VLDLR: variants seen among roughly 807,000 people sequenced by gnomAD.
VLDLR encodes very low density lipoprotein receptor.
VLDLR carries 81 observed loss-of-function variants against 112.7 expected under a neutral mutation model. That is an observed-to-expected ratio of 0.72 (90% confidence interval 0.60 to 0.86). The LOEUF (loss-of-function observed/expected upper bound fraction) is 0.86. Ranked by LOEUF, VLDLR falls within the 40% of genes least tolerant of loss-of-function variation. The pLI, the probability that VLDLR is intolerant of heterozygous loss-of-function variation, is 0.00. For synonymous variants in VLDLR, 436 were observed against 384.8 expected (o/e 1.13, Z -1.56); for missense variants, 1,237 against 1,099.4 (o/e 1.13, Z -1.77).
Position 2,643,437 on chromosome 9 carries a change from C to A in VLDLR, c.726C>A (p.Ser242Arg), listed in dbSNP as rs200656858. Residue 242 changes from serine (S) to arginine (R), a missense_variant, in exon 5 of 19, where the codon AGC (serine) becomes AGA (arginine). Transcript: ENST00000382100. ...QPVIHTKCPA[S>R]EIQCGSGECI... ...TCATACACACCAAGTGTCCAGCCAG[C>A]GAAATCCAGTGCGGCTCTGGCGAGT... 1 of 1,614,170 alleles carries A rather than the reference C, an allele frequency of 6.2e-7. No homozygotes were observed. Among genetic ancestry groups the A allele is most frequent in the South Asian group, 1.1e-5 (1 of 91,078 alleles).
Position 2,648,724 on chromosome 9 carries a change from T to A in VLDLR, c.2018T>A (p.Phe673Tyr), listed in dbSNP as rs149002489. ...ENEAVYGANK[F>Y]TGSELATLVN... Reference sequence around the variant, plus strand: ...GAAGCAGTCTATGGTGCCAATAAATTCACTGGATCAGAGCTAGCCACTCTA... The same window carrying A: ...GAAGCAGTCTATGGTGCCAATAAATACACTGGATCAGAGCTAGCCACTCTA... The change falls in exon 14 of 19, where the codon TTC (phenylalanine) becomes TAC (tyrosine). Residue 673 changes from phenylalanine (F) to tyrosine (Y), a missense_variant. Physicochemically the swap from Phe to Tyr is conservative, Grantham distance 22. Coordinates refer to ENST00000382100, the MANE Select transcript of VLDLR (RefSeq NM_003383.5). The A allele has an allele frequency of 6.2e-7, 1 of 1,614,162 alleles. No homozygotes were observed. The highest frequency in any genetic ancestry group is 1.7e-5 in the Admixed American group (1 of 60,024).
chr9:2,651,820 T>C, intron 16 of VLDLR, 54 bp from the exon 17 acceptor site: 1 of 1,607,392 alleles, frequency 6.2e-7, no homozygotes, highest in Non-Finnish European at 8.5e-7. Flanking sequence ...GATGGGTAAA[T>C]TTCTAAGTCT....
At chr9:2,640,096 T>C (rs1817762960) in intron 3 of VLDLR, 115 bp downstream of exon 3, 1 of 1,563,746 alleles carries the variant, frequency 6.4e-7, no homozygotes. Context: ...CCTTAAAGTT[T>C]AGGTCAATTG....
chr9:2,633,982 A>G (rs1362605034), intron 1 of VLDLR, among the ~76,000 whole-genome samples: 1 of 152,124 alleles, frequency 6.6e-6, no homozygotes, highest in Non-Finnish European at 1.5e-5. Context: ...ATTACAACCA[A>G]TAAAACGTGA....
chr9:2,649,130 C>T (rs1818198121), intron 14 of VLDLR, among the ~76,000 whole-genome samples: 1 of 152,180 alleles, frequency 6.6e-6, no homozygotes, highest in African/African-American at 2.4e-5. Flanking sequence ...TTTTGTGCTA[C>T]AAGCTTTCTC....
chr9:2,641,311 G>A, intron 3 of VLDLR, 66 bp from the exon 4 acceptor site: 1 of 1,610,922 alleles, frequency 6.2e-7, no homozygotes, highest in Non-Finnish European at 8.5e-7. Flanking sequence ...CTTCCAGGCA[G>A]CACAGGAGCA....
At chr9:2,653,070 C>G in intron 18 of VLDLR, 121 bp downstream of exon 18, 1 of 1,296,370 alleles carries the variant, frequency 7.7e-7, no homozygotes, top group Non-Finnish European at 1.1e-6. Context: ...CATCTGCTAC[C>G]TGGCTATTAG....
chr9:2,623,965 T>C (rs1174678139), intron 1 of VLDLR, among the ~76,000 whole-genome samples: 1 of 152,216 alleles, frequency 6.6e-6, no homozygotes, highest in Admixed American at 6.5e-5. Flanking sequence ...ATTATGCCTT[T>C]TGTAACATTT....
intron 2 of VLDLR, 74 bp downstream of exon 2, chr9:2,635,646 T>A (rs1817571415): frequency 6.2e-7 from 1 of 1,604,484 alleles, no homozygotes; most frequent in African/African-American, 1.3e-5. Flanking sequence ...TGTATTGAGA[T>A]TCTGAAAATA....
In VLDLR at chr9:2,653,830, C is replaced by A. The variant is rs375434847; in HGVS notation, c.2587-3C>A. 1.2e-6 allele frequency: 2 copies of A among 1,613,764 alleles called. No homozygotes were observed. The highest frequency in any genetic ancestry group is 1.3e-5 in the African/African-American group (1 of 74,908). On this transcript the variant is annotated splice_region_variant and splice_polypyrimidine_tract_variant and intron_variant, in intron 18 of 18. Transcript: ENST00000382100. ...CTCATTCTATACTTCTTCTTTTCCA[C>A]AGATATCAGTTGTAAGCACAGATGA...
At position 2,646,484 on chromosome 9, in the gene VLDLR, C is replaced by T. The variant is rs1000549825; in HGVS notation, c.1635C>T (p.Thr545=). The T allele has an allele frequency of 1.2e-6, 2 of 1,614,108 alleles. No homozygotes were observed. Among genetic ancestry groups the T allele is most frequent in the African/African-American group, 2.7e-5 (2 of 75,020 alleles). Residue 545 remains threonine (T), a synonymous_variant, in exon 11 of 19, where the codon ACC becomes ACT. Coordinates refer to ENST00000382100, the MANE Select transcript of VLDLR (RefSeq NM_003383.5). ...KTISVATLDG[T]KRKFLFNSDL... is the part of the protein sequence containing the mutation. ...TTTCAGTAGCTACCCTAGATGGAAC[C>T]AAGAGGAAGTTCCTGTTTAACTCTG...
chr9:2,628,984 A>G (rs1206077238), intron 1 of VLDLR, among the ~76,000 whole-genome samples: 2 of 152,230 alleles, frequency 1.3e-5, no homozygotes, highest in Non-Finnish European at 2.9e-5. Context: ...CACTTACATT[A>G]TGGGTAGAAG....
At chr9:2,625,763 C>T (rs1162365909) in intron 1 of VLDLR, among the ~76,000 whole-genome samples, 1 of 152,106 alleles carries the variant, frequency 6.6e-6, no homozygotes, top group Non-Finnish European at 1.5e-5. Flanking sequence ...GCAAACAGTC[C>T]AAAAATACTG....
Position 2,643,842 on chromosome 9 carries a change from C to A in VLDLR, c.949C>A (p.Gln317Lys), listed in dbSNP as rs1286109908. The change falls in exon 7 of 19, where the codon CAG (glutamine) becomes AAG (lysine). Residue 317 changes from glutamine (Q) to lysine (K), a missense_variant. Gln to Lys is a moderately conservative substitution (Grantham distance 53, BLOSUM62 1). Coordinates refer to ENST00000382100, the MANE Select transcript of VLDLR (RefSeq NM_003383.5). ...SDEVNCKNVNQCLGPGKFKCR... is the reference protein window; with the variant it reads ...SDEVNCKNVNKCLGPGKFKCR... ...TTCTTTGTTTCTCTTTGTAGTCAAT[C>A]AGTGCTTGGGCCCTGGAAAATTCAA... 7 of 1,614,078 alleles carry A rather than the reference C, an allele frequency of 4.3e-6. No homozygotes were observed. The African/African-American group carries it at 8.0e-5, about 18-fold the overall frequency.
intron 7 of VLDLR, 139 bp downstream of exon 7, chr9:2,644,098 T>C: frequency 7.7e-7 from 1 of 1,304,008 alleles, no homozygotes. Context: ...AGAGTGAAAC[T>C]TTATGACTTA....
intron 1 of VLDLR, among the ~76,000 whole-genome samples, chr9:2,632,321 C>A (rs191760085): frequency 9.3e-4 from 142 of 152,306 alleles, no homozygotes; most frequent in African/African-American, 3.3e-3. Flanking sequence ...TCTTGTGAAA[C>A]CTCATGGCTT....
rs1007861464 is a variant in VLDLR, at chr9:2,622,174, C to T, written c.-16C>T. ...GCGGCGGCGGCGGCGGCGGCGGCAC[C>T]ATCCAGGCGGGCACCATGGGCACGT... On this transcript the variant is annotated 5_prime_UTR_variant, in exon 1 of 19. Transcript: ENST00000382100. 4.7e-6 allele frequency: 7 copies of T among 1,486,068 alleles called. No individual in the cohort carries two copies. In the African/African-American group the frequency reaches 8.7e-5, roughly 18 times the overall value. The allele number at this position is 1,486,068 out of a possible 1,614,324, so 92.1% of individuals were successfully genotyped here. A position where few individuals can be genotyped will look rare whatever the true frequency, so the allele number is the denominator to read the frequency against.
In VLDLR at chr9:2,621,943, G is replaced by A. The variant is rs2130746256; in HGVS notation, c.-247G>A. 1.5e-6 allele frequency: 1 copy of A among 656,264 alleles called. No homozygotes were observed. The highest frequency in any genetic ancestry group is 2.8e-6 in the Non-Finnish European group (1 of 359,946). The allele number at this position is 656,264 out of a possible 1,614,324, so 40.7% of individuals were successfully genotyped here. On this transcript the variant is annotated 5_prime_UTR_variant, in exon 1 of 19. Coordinates refer to ENST00000382100, the MANE Select transcript of VLDLR (RefSeq NM_003383.5). Reference sequence around the variant, plus strand: ...CGCCTGCATTATTTTCTGCCCGCAGGCTCGGCTTGCACTGCTGCTGCAGCC... The same window carrying A: ...CGCCTGCATTATTTTCTGCCCGCAGACTCGGCTTGCACTGCTGCTGCAGCC...
In VLDLR at chr9:2,648,325, C is replaced by G; in HGVS notation, c.1940C>G (p.Pro647Arg). 6.2e-7 allele frequency: 1 copy of G among 1,614,172 alleles called. No homozygotes were observed. The highest frequency in any genetic ancestry group is 1.7e-5 in the Admixed American group (1 of 60,024). Residue 647 changes from proline (P) to arginine (R), a missense_variant, in exon 13 of 19, where the codon CCT becomes CGT. Pro to Arg is a moderately radical substitution (Grantham distance 103, BLOSUM62 -2). Transcript: ENST00000382100. ...AAGTCTCTGGAGTTCCTAGCTCATC[C>G]TCTTGCACTAACAATATTTGAGGTA... Reference protein sequence around the residue: ...VLKSLEFLAHPLALTIFEDRV... With the variant: ...VLKSLEFLAHRLALTIFEDRV...
Sources: allele counts gnomAD v4.1 joint callset (sites outside exome capture counted in the v4.1 genomes callset), GRCh38; gene constraint gnomAD v4.1.1; transcripts MANE v1.5; gene names NCBI Gene and HGNC (gene_info 2026-07-23, HGNC 2026-07-21).